TMEM45A: variants seen among roughly 807,000 people sequenced by gnomAD.
TMEM45A encodes transmembrane protein 45A.
Under a neutral mutation model 32.0 loss-of-function variants are expected in TMEM45A, and 25 were observed. That is an observed-to-expected ratio of 0.78 (90% CI 0.57 to 1.09). The LOEUF is 1.09. Among genes scored for constraint, TMEM45A ranks in the 50% least tolerant of loss-of-function variants. TMEM45A has a pLI of 0.00. For missense variants in TMEM45A, 302 were observed against 325.0 expected, an observed-to-expected ratio of 0.93 and a Z score of 0.54; for synonymous variants, 122 against 114.8, an observed-to-expected ratio of 1.06 and a Z score of -0.40.
intron 1 of TMEM45A, among the ~76,000 whole-genome samples, chr3:100,505,694 C>T (rs1708069758): frequency 6.6e-6 from 1 of 152,120 alleles, no homozygotes; most frequent in African/African-American, 2.4e-5. Flanking sequence ...CCAGATTTAC[C>T]CTTTTGCCTG....
intron 1 of TMEM45A, among the ~76,000 whole-genome samples, chr3:100,509,319 T>C (rs1708121521): frequency 6.6e-6 from 1 of 152,198 alleles, no homozygotes; most frequent in African/African-American, 2.4e-5. Context: ...AAGAGAACTC[T>C]TACACATTGT....
At chr3:100,544,862 T>C (rs988850640) in intron 1 of TMEM45A, among the ~76,000 whole-genome samples, 4 of 152,170 alleles carry the variant, frequency 2.6e-5, no homozygotes, top group Admixed American at 2.6e-4. Flanking sequence ...CTAGTGAGGA[T>C]TGCTGGGTCA....
chr3:100,521,535 A>G (rs1467714449), intron 1 of TMEM45A, among the ~76,000 whole-genome samples: 3 of 152,158 alleles, frequency 2.0e-5, no homozygotes, highest in East Asian at 1.9e-4. Flanking sequence ...TTACAGTGTG[A>G]GCCACCACGC....
At chr3:100,499,884 C>G (rs1385286315) in intron 1 of TMEM45A, among the ~76,000 whole-genome samples, 1 of 152,106 alleles carries the variant, frequency 6.6e-6, no homozygotes, top group Non-Finnish European at 1.5e-5. Flanking sequence ...ACCAACCAAC[C>G]CCTACACTTT....
At position 100,536,603 on chromosome 3, in the gene TMEM45A, C is replaced by T. The variant is rs111646483; in HGVS notation, c.-3-18606C>T. Among the ~76,000 whole-genome samples, 844 of 152,284 alleles carry T rather than the reference C, an allele frequency of 5.5e-3. 9 individuals are homozygous for T. The highest frequency in any genetic ancestry group is 0.02 in the African/African-American group (811 of 41,568). On this transcript the variant is annotated intron_variant, in intron 1 of 5. Transcript: ENST00000323523. ...ATAAATAAGCAGACAGGCAGGAGCA[C>T]TGCTTATTCTCACACGTACCTCTGA...
intron 1 of TMEM45A, among the ~76,000 whole-genome samples, chr3:100,548,284 T>C (rs1167551584): frequency 1.3e-5 from 2 of 152,158 alleles, no homozygotes; most frequent in African/African-American, 4.8e-5. Context: ...GATGGGGAAG[T>C]TGGATTTAAA....
intron 5 of TMEM45A, among the ~76,000 whole-genome samples, chr3:100,574,914 C>G (rs1706649964): frequency 6.6e-6 from 1 of 152,070 alleles, no homozygotes; most frequent in Non-Finnish European, 1.5e-5. Context: ...GTTAAATTTT[C>G]TGATATATTT....
intron 1 of TMEM45A, among the ~76,000 whole-genome samples, chr3:100,525,161 C>G (rs1705516977): frequency 6.6e-6 from 1 of 151,544 alleles, no homozygotes; most frequent in Non-Finnish European, 1.5e-5. Flanking sequence ...GCACTCCAAC[C>G]TGGGCAACAA....
intron 1 of TMEM45A, among the ~76,000 whole-genome samples, chr3:100,515,152 A>T (rs1241969399): frequency 1.3e-5 from 2 of 151,622 alleles, no homozygotes; most frequent in Non-Finnish European, 2.9e-5. Flanking sequence ...ACTATAAATC[A>T]TGCTGCTATA....
chr3:100,514,450 C>T (rs1432406195), intron 1 of TMEM45A, among the ~76,000 whole-genome samples: 1 of 151,990 alleles, frequency 6.6e-6, no homozygotes, highest in Non-Finnish European at 1.5e-5. Flanking sequence ...TGGATCCCTT[C>T]CTTACACCTT....
intron 1 of TMEM45A, among the ~76,000 whole-genome samples, chr3:100,495,380 G>A (rs1282482444): frequency 3.3e-5 from 5 of 152,202 alleles, no homozygotes; most frequent in Non-Finnish European, 5.9e-5. Context: ...TAGGAGGAAG[G>A]AGACCTTTTG....
intron 5 of TMEM45A, among the ~76,000 whole-genome samples, chr3:100,570,371 G>A (rs1403827612): frequency 6.6e-6 from 1 of 152,216 alleles, no homozygotes; most frequent in Non-Finnish European, 1.5e-5. Context: ...CTGGTGCTGA[G>A]GCACCGGGTG....
chr3:100,502,870 A>G (rs1356726877), intron 1 of TMEM45A, among the ~76,000 whole-genome samples: 1 of 152,220 alleles, frequency 6.6e-6, no homozygotes, highest in Non-Finnish European at 1.5e-5. Context: ...GCCATGGCTA[A>G]ACCTTGGGGA....
chr3:100,549,667 G>C (rs543500680), intron 1 of TMEM45A, among the ~76,000 whole-genome samples: 10 of 152,306 alleles, frequency 6.6e-5, no homozygotes, highest in Admixed American at 4.6e-4. Flanking sequence ...AAAGGAGGAA[G>C]AGTGGGCAGT....
intron 1 of TMEM45A, among the ~76,000 whole-genome samples, chr3:100,547,194 T>G (rs1705994920): frequency 6.6e-6 from 1 of 152,182 alleles, no homozygotes; most frequent in Admixed American, 6.5e-5. Flanking sequence ...CGATCTTGGC[T>G]CACTGCAACC....
In TMEM45A at chr3:100,539,438, T is replaced by TATGCATATGCATATGCATATGCATATGC. The variant is rs1453426235; in HGVS notation, c.-3-15769_-3-15768insGCATATGCATATGCATATGCATATGCAT. On this transcript the variant is annotated intron_variant, in intron 1 of 5. Coordinates refer to ENST00000323523, the MANE Select transcript of TMEM45A (RefSeq NM_018004.3). ...GAGAAACAGAACCCAATAGGATATG[T>TATGCATATGCATATGCATATGCATATGC]ATATGTATATGTATATGTATATGTA... 9.6e-4 allele frequency among the ~76,000 whole-genome samples: 105 copies of TATGCATATGCATATGCATATGCATATGC among 108,978 alleles called. 3 individuals carry two copies. The highest frequency in any genetic ancestry group is 4.2e-3 in the Middle Eastern group (1 of 238). The allele number at this position is 108,978 out of a possible 152,430, so 71.5% of individuals were successfully genotyped here. A position where few individuals can be genotyped will look rare whatever the true frequency, so the allele number is the denominator to read the frequency against.
intron 1 of TMEM45A, among the ~76,000 whole-genome samples, chr3:100,503,967 C>T (rs1175377556): frequency 2.6e-5 from 4 of 152,142 alleles, no homozygotes; most frequent in Non-Finnish European, 5.9e-5. Context: ...TTATTGGTTG[C>T]CACTTTTCAG....
chr3:100,504,009 T>C (rs1708044835), intron 1 of TMEM45A, among the ~76,000 whole-genome samples: 2 of 152,166 alleles, frequency 1.3e-5, no homozygotes, highest in Admixed American at 6.5e-5. Context: ...TTAATGCAGG[T>C]GGGCAGAGGC....
rs762861666 is a variant in TMEM45A at position 100,577,051 on chromosome 3, C to A, written c.*33C>A. The A allele has an allele frequency of 6.5e-6, 10 of 1,549,600 alleles. No individual in the cohort carries two copies. The highest frequency in any genetic ancestry group is 1.8e-5 in the Admixed American group (1 of 56,758). ...GAGCTTCCAGTTTTTCTAGATAAAC[C>A]TTTTCTTTTTTACATTGTTCTTGGT... On this transcript the variant is annotated 3_prime_UTR_variant, in exon 6 of 6. Transcript: ENST00000323523.
Sources: gnomAD v4.1 joint callset for allele counts (sites outside exome capture counted in the v4.1 genomes callset) on GRCh38, gnomAD v4.1.1 for gene constraint, MANE v1.5 for transcripts, NCBI Gene and HGNC (gene_info 2026-07-23, HGNC 2026-07-21) for gene names.